The following VWDE variants were observed in gnomAD, a reference collection of about 807,000 sequenced individuals.
VWDE encodes the protein von Willebrand factor D and EGF domain-containing protein.
VWDE carries 207 observed loss-of-function variants against 178.4 expected under a neutral mutation model. The observed-to-expected ratio is 1.16, with a 90% CI of 1.04 to 1.30. The LOEUF (loss-of-function observed/expected upper bound fraction) is 1.30. Ranked by LOEUF, VWDE falls within the 50% of genes most tolerant of loss-of-function variation. The pLI is 0.00. For synonymous variants in VWDE, 738 were observed against 651.4 expected (o/e 1.13, Z -2.02); for missense variants, 2,287 against 1,901.3 (o/e 1.20, Z -3.77).
In VWDE at chr7:12,370,304, T is replaced by G. The variant is rs1404213903; in HGVS notation, c.2002A>C (p.Thr668Pro). Residue 668 changes from threonine to proline, a missense_variant, in exon 12 of 29, where the codon ACC becomes CCC. Coordinates refer to ENST00000275358, the MANE Select transcript of VWDE (RefSeq NM_001135924.3). ...GTGTCTGAATTAATATATTCGGAGG[T>G]GACATCTAGTTCTGGTATCAAAGAA... Reference protein sequence around the residue: ...LSSLIPELDVTSEYINSDTLV... With the variant: ...LSSLIPELDVPSEYINSDTLV... 2 of 1,551,128 alleles carry G rather than the reference T, an allele frequency of 1.3e-6. No individual in the cohort carries two copies. Among genetic ancestry groups the G allele is most frequent in the Admixed American group, 2.0e-5 (1 of 50,952 alleles).
intron 12 of VWDE, 48 bp from the exon 13 acceptor site, chr7:12,367,541 GA>G (rs111337147): frequency 0.12 from 161,470 of 1,327,454 alleles, 10,311 homozygotes; most frequent in East Asian, 0.23. Flanking sequence ...CTTAATTTCA[GA>G]AAAAAAAACT....
chr7:12,345,727 C>T (rs984343309), intron 19 of VWDE, among the ~76,000 whole-genome samples: 1 of 152,138 alleles, frequency 6.6e-6, no homozygotes, highest in Non-Finnish European at 1.5e-5. Flanking sequence ...TTCACAGAAA[C>T]TTCCAACTCA....
At chr7:12,383,016 T>TAA (rs1173597815) in intron 4 of VWDE, among the ~76,000 whole-genome samples, 1 of 145,028 alleles carries the variant, frequency 6.9e-6, no homozygotes, top group African/African-American at 2.5e-5. Context: ...ATCGTTCCCT[T>TAA]AAAAAAAAAA....
chr7:12,356,444 T>A, intron 17 of VWDE, 114 bp from the exon 18 acceptor site: 1 of 698,914 alleles, frequency 1.4e-6, no homozygotes, highest in Non-Finnish European at 2.3e-6. Context: ...CCAAATCACT[T>A]ATATTTGATA....
At chr7:12,332,797 C>A (rs1348736715) in intron 28 of VWDE, among the ~76,000 whole-genome samples, 1 of 152,122 alleles carries the variant, frequency 6.6e-6, no homozygotes, top group African/African-American at 2.4e-5. Context: ...TGATCCATAT[C>A]AAGCTTCAAG....
intron 18 of VWDE, among the ~76,000 whole-genome samples, chr7:12,351,981 A>G (rs1185022981): frequency 6.6e-6 from 1 of 152,160 alleles, no homozygotes; most frequent in African/African-American, 2.4e-5. Flanking sequence ...AAATGAGATC[A>G]TAAGAGTGGC....
chr7:12,351,609 T>A lies in VWDE; in HGVS notation c.3850A>T (p.Lys1284Ter). ...EEDDKNAQGR[K>*]RHVKPTSGNA... is the part of the protein sequence containing the mutation. ...CCACTTGTTGGCTTAACATGCCTCT[T>A]TCTCCCTTGGGCATTTTTATCATCC... Residue 1284 changes from lysine (K) to a stop codon, truncating the protein, a stop_gained, in exon 19 of 29, where the codon AAG becomes TAG. Coordinates refer to ENST00000275358, the MANE Select transcript of VWDE (RefSeq NM_001135924.3). LOFTEE classifies it high-confidence loss of function. The A allele has an allele frequency of 6.5e-7, 1 of 1,550,104 alleles. No individual in the cohort carries two copies. Among genetic ancestry groups the A allele is most frequent in the Non-Finnish European group, 8.7e-7 (1 of 1,146,292 alleles).
At chr7:12,343,225 A>G (rs977992969) in intron 21 of VWDE, 47 bp from the exon 22 acceptor site, 4 of 1,390,440 alleles carry the variant, frequency 2.9e-6, no homozygotes, top group East Asian at 2.5e-5. Flanking sequence ...ATTTTTAAAA[A>G]GTCAGTTTAT....
At chr7:12,355,468 C>G (rs1474464452) in intron 18 of VWDE, among the ~76,000 whole-genome samples, 1 of 151,050 alleles carries the variant, frequency 6.6e-6, no homozygotes, top group Non-Finnish European at 1.5e-5. Flanking sequence ...ATATTCTGCT[C>G]AGTTCTACTG....
chr7:12,339,162 G>A (rs1781193308), intron 24 of VWDE, among the ~76,000 whole-genome samples: 1 of 152,070 alleles, frequency 6.6e-6, no homozygotes, highest in African/African-American at 2.4e-5. Flanking sequence ...ATGATAATCT[G>A]TTTTCTGGCC....
chr7:12,361,664 G>A lies in VWDE; in HGVS notation c.2899-143C>T, dbSNP rs575530169. 7 of 721,674 alleles carry A rather than the reference G, an allele frequency of 9.7e-6. No homozygotes were observed. The Admixed American group carries it at 2.2e-4, about 23-fold the overall frequency. 44.7% of individuals were successfully genotyped at this position (721,674 alleles called of 1,614,324 possible). A position where few individuals can be genotyped will look rare whatever the true frequency, so the allele number is the denominator to read the frequency against. ...TAACAGGGAAACAAAAGTCACATTG[G>A]GAGTGAGTTTTATTCAGAATAACGA... On this transcript the variant is annotated intron_variant, in intron 13 of 28. Coordinates refer to ENST00000275358, the MANE Select transcript of VWDE (RefSeq NM_001135924.3).
At chr7:12,383,116 C>A (rs1783936607) in intron 4 of VWDE, among the ~76,000 whole-genome samples, 1 of 151,826 alleles carries the variant, frequency 6.6e-6, no homozygotes. Context: ...AATATTGACT[C>A]AATCAGCCAA....
At chr7:12,339,593 T>C (rs923240517) in intron 24 of VWDE, among the ~76,000 whole-genome samples, 3 of 152,122 alleles carry the variant, frequency 2.0e-5, no homozygotes, top group African/African-American at 7.2e-5. Context: ...AGAAATAGAA[T>C]TGCAAATCAA....
chr7:12,375,877 GA>G (rs982867396), intron 7 of VWDE, among the ~76,000 whole-genome samples: 4 of 151,892 alleles, frequency 2.6e-5, no homozygotes, highest in African/African-American at 9.7e-5. Flanking sequence ...AACAAAAAAA[GA>G]GAAAAGAACT....
intron 6 of VWDE, 39 bp from the exon 7 acceptor site, chr7:12,377,959 ATAATTTATTTC>A: frequency 7.5e-7 from 1 of 1,329,724 alleles, no homozygotes; most frequent in Non-Finnish European, 9.7e-7. Flanking sequence ...ATGTTAAAAT[ATAATTTATTTC>A]TAAGGCACAG....
chr7:12,373,387 A>C, intron 9 of VWDE, 140 bp from the exon 10 acceptor site: 3 of 807,648 alleles, frequency 3.7e-6, no homozygotes, highest in Non-Finnish European at 5.9e-6. Context: ...AAACACCTCA[A>C]TCTCTCCCAC....
intron 3 of VWDE, among the ~76,000 whole-genome samples, chr7:12,386,882 G>A (rs1784123489): frequency 6.6e-6 from 1 of 152,148 alleles, no homozygotes; most frequent in African/African-American, 2.4e-5. Flanking sequence ...AGGAGATGCT[G>A]TGTTGATTAG....
In VWDE at chr7:12,337,018, A is replaced by G. The variant is rs959332021; in HGVS notation, c.4528T>C (p.Ser1510Pro). 6.4e-7 allele frequency: 1 copy of G among 1,551,528 alleles called. No homozygotes were observed. The highest frequency in any genetic ancestry group is 8.7e-7 in the Non-Finnish European group (1 of 1,146,884). ...TTGCATCGTTTCCCACTCCAACCAG[A>G]AGGACAAGAGCAAGTGCTTGGTCCC... ...CVGPSTCSCP[S>P]GWSGKRCNTP... Residue 1510 changes from serine to proline, a missense_variant, in exon 26 of 29, where the codon TCT becomes CCT. Physicochemically the swap from Ser to Pro is moderately conservative, Grantham distance 74 (BLOSUM62 -1). Transcript: ENST00000275358.
chr7:12,345,798 G>C (rs765879524), intron 19 of VWDE, among the ~76,000 whole-genome samples: 7 of 152,128 alleles, frequency 4.6e-5, no homozygotes, highest in Non-Finnish European at 8.8e-5. Context: ...TATCTGATGG[G>C]AAATAGGCTT....
Sources: gnomAD v4.1 joint callset for allele counts (sites outside exome capture counted in the v4.1 genomes callset) on GRCh38, gnomAD v4.1.1 for gene constraint, MANE v1.5 for transcripts, NCBI Gene and HGNC (gene_info 2026-07-23, HGNC 2026-07-21) for gene names.